Variants in CNTN4 observed in about 807,000 individuals in gnomAD.
CNTN4 encodes contactin-4.
A neutral mutation model predicts 122.5 loss-of-function variants in CNTN4; 77 were observed. That is an observed-to-expected ratio of 0.63 (90% CI 0.52 to 0.76). The LOEUF (loss-of-function observed/expected upper bound fraction) is 0.76, where lower values mean the gene tolerates loss of function less well. Ranked by LOEUF, CNTN4 falls within the 30% of genes least tolerant of loss-of-function variation. The probability of loss-of-function intolerance (pLI) is 0.00; values close to 1 mark genes in which losing one functional copy is unlikely to be tolerated. For missense variants in CNTN4, 1,256 were observed against 1,259.1 expected, an observed-to-expected ratio of 1.00 and a Z score of 0.04; for synonymous variants, 512 against 447.0, an observed-to-expected ratio of 1.15 and a Z score of -1.83.
At chr3:2,468,285 T>C (rs1292424252) in intron 3 of CNTN4, among the ~76,000 whole-genome samples, 4 of 152,212 alleles carry the variant, frequency 2.6e-5, no homozygotes, top group Non-Finnish European at 5.9e-5. Context: ...TGGAGGATTT[T>C]CAGGAATTTC....
chr3:2,998,355 C>T lies in CNTN4; in HGVS notation c.1486+9883C>T, dbSNP rs78919009. On this transcript the variant is annotated intron_variant, in intron 14 of 24. Coordinates refer to ENST00000418658, the MANE Select transcript of CNTN4 (RefSeq NM_175607.3). ...CCGTAGACCACAAGCATCAGAATCACGTAGGAGTTTTTAAATAAATGCATA... is the reference window on the plus strand; with the variant it reads ...CCGTAGACCACAAGCATCAGAATCATGTAGGAGTTTTTAAATAAATGCATA... Among the ~76,000 whole-genome samples, 1,080 of 152,280 alleles carry T rather than the reference C, an allele frequency of 7.1e-3. 11 individuals are homozygous for T. Among genetic ancestry groups the T allele is most frequent in the African/African-American group, 0.025 (1,035 of 41,552 alleles).
intron 6 of CNTN4, among the ~76,000 whole-genome samples, chr3:2,779,198 T>A (rs1350839685): frequency 6.6e-6 from 1 of 152,216 alleles, no homozygotes; most frequent in Non-Finnish European, 1.5e-5. Flanking sequence ...GGCTTGAATC[T>A]TAGACCAATA....
Position 2,866,800 on chromosome 3 carries a change from A to G in CNTN4, c.503A>G (p.Asn168Ser). 6.2e-7 allele frequency: 1 copy of G among 1,614,062 alleles called. No homozygotes were observed. Among genetic ancestry groups the G allele is most frequent in the Non-Finnish European group, 8.5e-7 (1 of 1,179,930 alleles). Residue 168 changes from asparagine to serine, a missense_variant, in exon 8 of 25, where the codon AAT becomes AGT. Asn to Ser is a conservative substitution (Grantham distance 46). Transcript: ENST00000418658. ...AATGAATACCCTTCCTATCAGGATA[A>G]TCGCCGCTTTGTTTCTCAAGAGACT... ...IFNEYPSYQD[N>S]RRFVSQETGN...
chr3:2,839,728 A>C (rs1479711665), intron 7 of CNTN4, among the ~76,000 whole-genome samples: 1 of 152,152 alleles, frequency 6.6e-6, no homozygotes, highest in African/African-American at 2.4e-5. Flanking sequence ...AGTGCACCCA[A>C]GGGAGTGCTC....
intron 3 of CNTN4, among the ~76,000 whole-genome samples, chr3:2,433,486 G>A (rs562819871): frequency 2.0e-5 from 3 of 151,840 alleles, no homozygotes; most frequent in Non-Finnish European, 4.4e-5. Context: ...TTATTTGTGG[G>A]TTTTTTTGCT....
chr3:2,167,106 G>A (rs2036229000), intron 2 of CNTN4, among the ~76,000 whole-genome samples: 1 of 152,042 alleles, frequency 6.6e-6, no homozygotes, highest in African/African-American at 2.4e-5. Context: ...ATTAAAGTAG[G>A]TAAATTAAAT....
At chr3:2,687,917 A>G (rs189716958) in intron 4 of CNTN4, among the ~76,000 whole-genome samples, 1 of 152,184 alleles carries the variant, frequency 6.6e-6, no homozygotes, top group Non-Finnish European at 1.5e-5. Context: ...CAGAGTTGAC[A>G]ATAAGTTAAT....
At chr3:2,568,317 G>GAAAAA (rs770465722) in intron 3 of CNTN4, among the ~76,000 whole-genome samples, 28 of 70,980 alleles carry the variant, frequency 3.9e-4, no homozygotes, top group South Asian at 8.3e-4. Context: ...GCAAGAATGT[G>GAAAAA]AAAAAAAAAA....
chr3:2,297,386 T>C (rs2042351164), intron 2 of CNTN4, among the ~76,000 whole-genome samples: 1 of 152,228 alleles, frequency 6.6e-6, no homozygotes, highest in Admixed American at 6.5e-5. Context: ...CTTTAACAAT[T>C]ACATTAAAAA....
intron 2 of CNTN4, among the ~76,000 whole-genome samples, chr3:2,224,530 T>A (rs890383663): frequency 6.6e-6 from 1 of 152,222 alleles, no homozygotes; most frequent in African/African-American, 2.4e-5. Flanking sequence ...GTACCATTAC[T>A]GCACAGTTGT....
At chr3:2,733,568 G>T (rs1415484411) in intron 4 of CNTN4, among the ~76,000 whole-genome samples, 1 of 132,586 alleles carries the variant, frequency 7.5e-6, no homozygotes, top group Admixed American at 8.2e-5. Flanking sequence ...GAGTCTCACA[G>T]CATCGCCTGG....
chr3:3,054,977 T>C (rs1331183761), intron 24 of CNTN4, among the ~76,000 whole-genome samples: 1 of 152,196 alleles, frequency 6.6e-6, no homozygotes, highest in Non-Finnish European at 1.5e-5. Context: ...AAGACATTGG[T>C]AAAAAGATGA....
intron 7 of CNTN4, among the ~76,000 whole-genome samples, chr3:2,850,856 A>G (rs987762664): frequency 6.6e-6 from 1 of 152,156 alleles, no homozygotes; most frequent in Non-Finnish European, 1.5e-5. Context: ...CCCTGGGGAA[A>G]CTTTTAACTT....
At chr3:2,457,966 C>T (rs1351862537) in intron 3 of CNTN4, among the ~76,000 whole-genome samples, 2 of 152,026 alleles carry the variant, frequency 1.3e-5, no homozygotes, top group African/African-American at 4.8e-5. Context: ...CACTTAGAAG[C>T]GTGTTGGAAA....
chr3:2,324,370 T>G (rs189312643), intron 2 of CNTN4, among the ~76,000 whole-genome samples: 11 of 152,290 alleles, frequency 7.2e-5, no homozygotes, highest in African/African-American at 2.4e-4. Context: ...TTGTTCTACA[T>G]AACATATATA....
At chr3:2,967,903 A>G (rs1672262583) in intron 13 of CNTN4, among the ~76,000 whole-genome samples, 1 of 151,876 alleles carries the variant, frequency 6.6e-6, no homozygotes. Context: ...ACTTAAAACA[A>G]AAGTTACAAA....
chr3:2,559,786 G>T (rs188697014), intron 3 of CNTN4, among the ~76,000 whole-genome samples: 1 of 152,292 alleles, frequency 6.6e-6, no homozygotes, highest in African/African-American at 2.4e-5. Flanking sequence ...ATGTAGTCAT[G>T]AACTAAAGCA....
intron 4 of CNTN4, among the ~76,000 whole-genome samples, chr3:2,710,123 G>C (rs975505966): frequency 6.6e-6 from 1 of 152,168 alleles, no homozygotes; most frequent in African/African-American, 2.4e-5. Context: ...GCTATCTAAT[G>C]AAAATGTCTT....
At chr3:2,335,333 T>G (rs1406466937) in intron 2 of CNTN4, among the ~76,000 whole-genome samples, 1 of 151,068 alleles carries the variant, frequency 6.6e-6, no homozygotes, top group African/African-American at 2.4e-5. Flanking sequence ...GCATTTATTT[T>G]CTGCATAGTA....
Sources: allele counts gnomAD v4.1 joint callset (sites outside exome capture counted in the v4.1 genomes callset), GRCh38; gene constraint gnomAD v4.1.1; transcripts MANE v1.5; gene names NCBI Gene and HGNC (gene_info 2026-07-23, HGNC 2026-07-21).